Variants in TAFA1 observed in about 807,000 individuals in gnomAD.
The protein encoded by TAFA1 is chemokine-like protein TAFA-1.
A neutral mutation model predicts 18.5 loss-of-function variants in TAFA1; 4 were observed. That is an observed-to-expected ratio of 0.22 (90% confidence interval 0.11 to 0.49). The LOEUF is 0.49. Ranked by LOEUF, TAFA1 falls within the 20% of genes least tolerant of loss-of-function variation. The probability of loss-of-function intolerance (pLI) is 0.98; values close to 1 mark genes in which losing one functional copy is unlikely to be tolerated. For missense variants in TAFA1, 147 were observed against 169.0 expected (o/e 0.87, Z 0.72); for synonymous variants, 56 against 55.2 (o/e 1.01, Z -0.06).
chr3:68,515,430 G>T (rs1364303064), intron 3 of TAFA1, among the ~76,000 whole-genome samples: 2 of 152,136 alleles, frequency 1.3e-5, no homozygotes, highest in African/African-American at 2.4e-5. Context: ...GGACCAGCCT[G>T]GTCATGTGGC....
At chr3:68,459,909 T>C (rs2071743823) in intron 3 of TAFA1, among the ~76,000 whole-genome samples, 1 of 152,232 alleles carries the variant, frequency 6.6e-6, no homozygotes, top group South Asian at 2.1e-4. Flanking sequence ...GGGTTGTGCT[T>C]TTAATATTTG....
chr3:68,482,004 C>T (rs899908362), intron 3 of TAFA1, among the ~76,000 whole-genome samples: 2 of 152,048 alleles, frequency 1.3e-5, no homozygotes, highest in Admixed American at 6.6e-5. Flanking sequence ...AGACAGCATA[C>T]TTTCTTTTTT....
intron 2 of TAFA1, among the ~76,000 whole-genome samples, chr3:68,414,108 C>T (rs1278782161): frequency 2.0e-5 from 3 of 152,060 alleles, no homozygotes; most frequent in African/African-American, 4.8e-5. Flanking sequence ...AGTTCGAGAC[C>T]ATCCTGACCA....
intron 2 of TAFA1, among the ~76,000 whole-genome samples, chr3:68,305,140 T>C (rs536689461): frequency 5.9e-5 from 9 of 151,968 alleles, no homozygotes; most frequent in Admixed American, 2.0e-4. Context: ...TGTCTCTTTC[T>C]AGCTTCACCA....
chr3:68,340,967 G>T (rs1353922360), intron 2 of TAFA1, among the ~76,000 whole-genome samples: 2 of 152,156 alleles, frequency 1.3e-5, no homozygotes, highest in East Asian at 1.9e-4. Flanking sequence ...AAGCCTTCCT[G>T]GAAGAGATAG....
At chr3:68,407,358 G>A in intron 2 of TAFA1, among the ~76,000 whole-genome samples, 1 of 152,048 alleles carries the variant, frequency 6.6e-6, no homozygotes, top group Non-Finnish European at 1.5e-5. Flanking sequence ...CTGGATGTCA[G>A]TGTTAGTCTC....
intron 2 of TAFA1, among the ~76,000 whole-genome samples, chr3:68,366,099 A>AAAG (rs1553682042): frequency 6.6e-6 from 1 of 151,106 alleles, no homozygotes; most frequent in African/African-American, 2.4e-5. Context: ...AAAAAAAAAA[A>AAAG]AAAAAGAAAC....
chr3:68,172,570 A>C (rs2066069764), intron 2 of TAFA1, among the ~76,000 whole-genome samples: 1 of 152,198 alleles, frequency 6.6e-6, no homozygotes, highest in Non-Finnish European at 1.5e-5. Context: ...AGCCTTGAAA[A>C]TGTTTACAGC....
At chr3:68,069,434 A>G (rs571959831) in intron 2 of TAFA1, among the ~76,000 whole-genome samples, 2 of 152,268 alleles carry the variant, frequency 1.3e-5, no homozygotes, top group African/African-American at 4.8e-5. Flanking sequence ...CCATGATTCA[A>G]CCACCTCCCA....
chr3:68,170,686 G>T (rs1237153107), intron 2 of TAFA1, among the ~76,000 whole-genome samples: 1 of 152,154 alleles, frequency 6.6e-6, no homozygotes, highest in Non-Finnish European at 1.5e-5. Context: ...CTAGGGCAGA[G>T]CTGTAAACTA....
At chr3:68,120,181 C>G (rs1426212906) in intron 2 of TAFA1, among the ~76,000 whole-genome samples, 18 of 17,616 alleles carry the variant, frequency 1.0e-3, no homozygotes, top group African/African-American at 2.6e-3. Context: ...CTCTTTCTTT[C>G]TTTCTTTCTT....
chr3:68,467,150 C>G (rs2071903403), intron 3 of TAFA1, among the ~76,000 whole-genome samples: 1 of 152,152 alleles, frequency 6.6e-6, no homozygotes, highest in Admixed American at 6.6e-5. Context: ...CTGAAAATCG[C>G]TGTTATCCTG....
chr3:68,446,268 T>G (rs188410983), intron 3 of TAFA1, among the ~76,000 whole-genome samples: 24 of 152,210 alleles, frequency 1.6e-4, no homozygotes, highest in Admixed American at 1.4e-3. Flanking sequence ...TATCTATAGC[T>G]TCTTTCACAC....
chr3:68,312,121 T>C (rs887647047), intron 2 of TAFA1, among the ~76,000 whole-genome samples: 1 of 152,162 alleles, frequency 6.6e-6, no homozygotes, highest in East Asian at 1.9e-4. Flanking sequence ...GGAGCAGCTG[T>C]GATGCACGGC....
At chr3:68,506,517 T>A (rs1575933390) in intron 3 of TAFA1, among the ~76,000 whole-genome samples, 2 of 151,564 alleles carry the variant, frequency 1.3e-5, no homozygotes, top group African/African-American at 2.4e-5. Flanking sequence ...CAGTTTACAA[T>A]CCAGGTTTGT....
At chr3:68,371,882 A>G (rs2069713599) in intron 2 of TAFA1, among the ~76,000 whole-genome samples, 1 of 152,210 alleles carries the variant, frequency 6.6e-6, no homozygotes, top group Non-Finnish European at 1.5e-5. Context: ...TGTCAGTACC[A>G]GCTAATTGCT....
At chr3:68,432,761 T>C (rs1332330610) in intron 3 of TAFA1, among the ~76,000 whole-genome samples, 1 of 152,014 alleles carries the variant, frequency 6.6e-6, no homozygotes, top group Non-Finnish European at 1.5e-5. Flanking sequence ...CAAGCTCCCA[T>C]TGGTACTCAC....
chr3:68,181,378 C>CAA (rs572609783), intron 2 of TAFA1, among the ~76,000 whole-genome samples: 1,501 of 80,180 alleles, frequency 0.019, 26 homozygotes, highest in African/African-American at 0.06. Flanking sequence ...CTAGAACATA[C>CAA]AAAAAAAAAA....
chr3:68,080,430 A>G (rs1454825683), intron 2 of TAFA1, among the ~76,000 whole-genome samples: 1 of 151,900 alleles, frequency 6.6e-6, no homozygotes, highest in Non-Finnish European at 1.5e-5. Flanking sequence ...ACATTTTGGC[A>G]TGATTTTGCA....
Sources: gnomAD v4.1 joint callset for allele counts (sites outside exome capture counted in the v4.1 genomes callset) on GRCh38, gnomAD v4.1.1 for gene constraint, MANE v1.5 for transcripts, NCBI Gene and HGNC (gene_info 2026-07-23, HGNC 2026-07-21) for gene names.